ASTN2: variants seen among roughly 807,000 people sequenced by gnomAD.
ASTN2 encodes astrotactin 2.
Under a neutral mutation model 139.8 loss-of-function variants are expected in ASTN2, and 54 were observed. The observed-to-expected ratio is 0.39, with a 90% CI of 0.31 to 0.48. ASTN2 has a LOEUF of 0.48. ASTN2 is among the 20% of genes least tolerant of loss of function. The pLI is 0.95. For missense variants in ASTN2, 1,565 were observed against 1,725.1 expected, an observed-to-expected ratio of 0.91 and a Z score of 1.64; for synonymous variants, 756 against 719.5, an observed-to-expected ratio of 1.05 and a Z score of -0.81.
chr9:117,027,104 A>C (rs1838110997), intron 6 of ASTN2, among the ~76,000 whole-genome samples: 1 of 152,182 alleles, frequency 6.6e-6, no homozygotes, highest in South Asian at 2.1e-4. Context: ...CTTAGACTGA[A>C]AGGACGGTGA....
At chr9:116,620,160 C>T (rs1856061377) in intron 18 of ASTN2, 150 bp downstream of exon 18, 1 of 1,114,722 alleles carries the variant, frequency 9.0e-7, no homozygotes, top group Admixed American at 2.6e-5. Flanking sequence ...AAGCTCCCTT[C>T]TTTCCTAAAA....
At chr9:117,318,940 C>T (rs1406275255) in intron 1 of ASTN2, among the ~76,000 whole-genome samples, 1 of 152,094 alleles carries the variant, frequency 6.6e-6, no homozygotes, top group Non-Finnish European at 1.5e-5. Context: ...GAAGCGGGGG[C>T]GAGTTTCAAC....
intron 5 of ASTN2, among the ~76,000 whole-genome samples, chr9:117,051,121 G>C (rs1838900688): frequency 6.6e-6 from 1 of 151,746 alleles, no homozygotes. Flanking sequence ...GGAACTAAAA[G>C]AGATTTAACT....
intron 2 of ASTN2, among the ~76,000 whole-genome samples, chr9:117,247,102 G>A (rs1227941775): frequency 6.6e-6 from 1 of 152,180 alleles, no homozygotes; most frequent in East Asian, 1.9e-4. Context: ...CAGCTAAGTG[G>A]AGTCTATCCA....
At chr9:117,384,905 A>T (rs1564177658) in intron 1 of ASTN2, among the ~76,000 whole-genome samples, 1 of 152,156 alleles carries the variant, frequency 6.6e-6, no homozygotes, top group Admixed American at 6.5e-5. Context: ...GGATGATCAG[A>T]TGGATAAATG....
intron 2 of ASTN2, among the ~76,000 whole-genome samples, chr9:117,227,082 T>C (rs1475535680): frequency 6.6e-6 from 1 of 152,100 alleles, no homozygotes; most frequent in African/African-American, 2.4e-5. Context: ...GGTCTGATGC[T>C]GGCTTCTTTA....
chr9:117,252,075 T>G (rs866403337), intron 2 of ASTN2, among the ~76,000 whole-genome samples: 24 of 152,170 alleles, frequency 1.6e-4, no homozygotes, highest in African/African-American at 5.8e-4. Flanking sequence ...GGAGAAGAGG[T>G]GTCTTTGGAA....
chr9:116,653,117 C>T (rs1858016867), intron 16 of ASTN2, among the ~76,000 whole-genome samples: 1 of 152,238 alleles, frequency 6.6e-6, no homozygotes, highest in South Asian at 2.1e-4. Context: ...GGGGCCATGG[C>T]TCCCATTCCT....
chr9:117,307,958 C>T (rs1835044187), intron 1 of ASTN2, among the ~76,000 whole-genome samples: 1 of 152,200 alleles, frequency 6.6e-6, no homozygotes, highest in African/African-American at 2.4e-5. Context: ...AAGAGCAGAA[C>T]AGCCTTGTTC....
chr9:116,445,936 C>T (rs1249449923), intron 20 of ASTN2, among the ~76,000 whole-genome samples: 1 of 152,172 alleles, frequency 6.6e-6, no homozygotes, highest in Non-Finnish European at 1.5e-5. Flanking sequence ...ACGTCAACCT[C>T]ACAGTGCTGG....
intron 5 of ASTN2, among the ~76,000 whole-genome samples, chr9:117,061,357 T>C (rs952816392): frequency 3.3e-5 from 5 of 152,346 alleles, no homozygotes; most frequent in Admixed American, 6.5e-5. Flanking sequence ...CAAATCATGA[T>C]GTAAGTGCTT....
intron 10 of ASTN2, among the ~76,000 whole-genome samples, chr9:116,876,051 A>G (rs184569756): frequency 6.6e-6 from 1 of 152,304 alleles, no homozygotes; most frequent in Non-Finnish European, 1.5e-5. Context: ...GATTTTTCTG[A>G]TGGATCTGGG....
chr9:116,846,262 G>A (rs1588348185), intron 11 of ASTN2, among the ~76,000 whole-genome samples: 2 of 152,182 alleles, frequency 1.3e-5, no homozygotes, highest in Non-Finnish European at 2.9e-5. Context: ...GATAAGTGCT[G>A]TAGATTGGGT....
chr9:116,609,328 C>CTCTATATATATATA (rs140484650), intron 19 of ASTN2, among the ~76,000 whole-genome samples: 3 of 122,530 alleles, frequency 2.4e-5, no homozygotes, highest in African/African-American at 9.5e-5. Context: ...CTCTCTCTCT[C>CTCTATATATATATA]TATATATATA....
chr9:117,325,480 T>C (rs887538694), intron 1 of ASTN2, among the ~76,000 whole-genome samples: 1 of 152,124 alleles, frequency 6.6e-6, no homozygotes, highest in Non-Finnish European at 1.5e-5. Context: ...ACAAAGGAGC[T>C]GGACACCTGG....
At chr9:117,357,006 G>T (rs1255875056) in intron 1 of ASTN2, among the ~76,000 whole-genome samples, 1 of 152,140 alleles carries the variant, frequency 6.6e-6, no homozygotes, top group African/African-American at 2.4e-5. Flanking sequence ...GGAGGTTGCA[G>T]TGAGCCGACA....
chr9:116,781,549 T>G (rs1247974364), intron 13 of ASTN2, among the ~76,000 whole-genome samples: 2 of 152,122 alleles, frequency 1.3e-5, no homozygotes, highest in Non-Finnish European at 2.9e-5. Flanking sequence ...CAGAGAAAAG[T>G]CTTACGGGTG....
In ASTN2 at chr9:117,092,277, ATCT is replaced by A. The variant is rs1305990392; in HGVS notation, c.1276+3764_1276+3766del. Among the ~76,000 whole-genome samples the A allele has an allele frequency of 2.6e-5, 4 of 151,844 alleles. No individual in the cohort carries two copies. The South Asian group carries it at 8.3e-4, about 32-fold the overall frequency. Reference sequence around the variant, plus strand: ...CAGTTCAATAACTTTGTCTTCCAAAATCTTCTAACATCTGAAACAGTCTGAACT... The same window carrying A: ...CAGTTCAATAACTTTGTCTTCCAAAATCTAACATCTGAAACAGTCTGAACT... On this transcript the variant is annotated intron_variant, in intron 5 of 22. Transcript: ENST00000313400.
intron 1 of ASTN2, among the ~76,000 whole-genome samples, chr9:117,344,386 AG>A (rs1400569761): frequency 6.6e-6 from 1 of 152,142 alleles, no homozygotes; most frequent in Non-Finnish European, 1.5e-5. Flanking sequence ...TGATAAGTCC[AG>A]GTCCCCAAAG....
Sources: allele counts gnomAD v4.1 joint callset (sites outside exome capture counted in the v4.1 genomes callset), GRCh38; gene constraint gnomAD v4.1.1; transcripts MANE v1.5; gene names NCBI Gene and HGNC (gene_info 2026-07-23, HGNC 2026-07-21).